The following RTL4 variants were observed in gnomAD, a reference collection of about 807,000 sequenced individuals.
RTL4 encodes retrotransposon Gag-like protein 4.
In RTL4, 4 loss-of-function variants were observed where a neutral mutation model predicts 5.3. The observed-to-expected ratio is 0.75, with a 90% CI of 0.37 to 1.72. The LOEUF (loss-of-function observed/expected upper bound fraction) is 1.72, where lower values mean the gene tolerates loss of function less well. Among genes scored for constraint, RTL4 ranks in the 40% most tolerant of loss-of-function variants. The pLI, the probability that RTL4 is intolerant of heterozygous loss-of-function variation, is 0.04. For missense variants in RTL4, 260 were observed against 227.1 expected, an observed-to-expected ratio of 1.14 and a Z score of -0.93; for synonymous variants, 98 against 87.3, an observed-to-expected ratio of 1.12 and a Z score of -0.68.
the RTL4 span, among the ~76,000 whole-genome samples, chrX:112,283,105 T>C: frequency 8.9e-6 from 1 of 111,763 alleles, no homozygotes. Context: ...AGAAAGGGTT[T>C]TCTCTTTCAG....
the RTL4 span, among the ~76,000 whole-genome samples, chrX:112,111,123 T>TTTTCTC: frequency 8.9e-6 from 1 of 111,926 alleles, no homozygotes; most frequent in African/African-American, 3.3e-5. Flanking sequence ...TCTTTACTAC[T>TTTTCTC]TTTCTCTTTC....
chrX:112,282,837 T>A, the RTL4 span, among the ~76,000 whole-genome samples: 1 of 111,641 alleles, frequency 9.0e-6, no homozygotes, highest in African/African-American at 3.2e-5. Context: ...TTAATGGGAA[T>A]AAGAAATTGG....
the RTL4 span, among the ~76,000 whole-genome samples, chrX:112,384,491 C>T: frequency 9.0e-6 from 1 of 111,648 alleles, no homozygotes; most frequent in Non-Finnish European, 1.9e-5. Context: ...TTGTTTTTGT[C>T]AGGTTTTGTC....
the RTL4 span, among the ~76,000 whole-genome samples, chrX:112,159,400 AT>A: frequency 2.9e-4 from 32 of 112,228 alleles, no homozygotes; most frequent in African/African-American, 1.0e-3. Context: ...CTTACCCAGC[AT>A]CGCTGTGAAG....
At chrX:112,227,822 G>A in the RTL4 span, among the ~76,000 whole-genome samples, 8 of 111,324 alleles carry the variant, frequency 7.2e-5, no homozygotes, top group African/African-American at 2.6e-4. Context: ...ACACCTGAAT[G>A]GTAGAGTATG....
the RTL4 span, among the ~76,000 whole-genome samples, chrX:112,374,533 G>C: frequency 4.2e-3 from 464 of 111,711 alleles, 1 homozygote; most frequent in African/African-American, 0.014. Context: ...CCACAAAAAA[G>C]TACCTGCTGC....
the RTL4 span, among the ~76,000 whole-genome samples, chrX:112,293,104 T>G: frequency 3.6e-5 from 4 of 112,174 alleles, no homozygotes; most frequent in Non-Finnish European, 1.9e-5. Flanking sequence ...TTCTTATGAT[T>G]CTTGTTTTCT....
At chrX:112,237,626 T>C in the RTL4 span, among the ~76,000 whole-genome samples, 1 of 112,602 alleles carries the variant, frequency 8.9e-6, no homozygotes, top group Non-Finnish European at 1.9e-5. Context: ...ACAGCTCAAT[T>C]TTTAACATGC....
the RTL4 span, among the ~76,000 whole-genome samples, chrX:112,158,108 G>T: frequency 3.0e-5 from 3 of 101,027 alleles, no homozygotes; most frequent in African/African-American, 1.1e-4. Flanking sequence ...GTGTAGAAAG[G>T]AAAATTGACT....
At chrX:112,442,793 T>C in the RTL4 span, among the ~76,000 whole-genome samples, 3 of 110,865 alleles carry the variant, frequency 2.7e-5, no homozygotes, top group East Asian at 8.5e-4. Flanking sequence ...TTTTTTATAT[T>C]TGTGGGTATA....
the RTL4 span, among the ~76,000 whole-genome samples, chrX:112,234,594 G>A: frequency 8.9e-6 from 1 of 111,907 alleles, no homozygotes; most frequent in African/African-American, 3.3e-5. Context: ...TTGGGGCAAG[G>A]GCTGCAAGCC....
At chrX:112,301,806 T>A in the RTL4 span, among the ~76,000 whole-genome samples, 5 of 108,067 alleles carry the variant, frequency 4.6e-5, no homozygotes, top group East Asian at 8.8e-4. Flanking sequence ...TAAAAAAAAA[T>A]GTTTTTAAAT....
At chrX:112,357,852 C>T in the RTL4 span, among the ~76,000 whole-genome samples, 1 of 111,701 alleles carries the variant, frequency 9.0e-6, no homozygotes. Flanking sequence ...CAAACACTGA[C>T]ATGTATGCTA....
chrX:112,346,523 C>T, the RTL4 span, among the ~76,000 whole-genome samples: 5 of 111,414 alleles, frequency 4.5e-5, no homozygotes, highest in Non-Finnish European at 9.4e-5. Context: ...AGGTACAACA[C>T]AAAAATGCTT....
chrX:112,444,445 T>C, the RTL4 span, among the ~76,000 whole-genome samples: 11 of 112,167 alleles, frequency 9.8e-5, no homozygotes, highest in African/African-American at 3.6e-4. Context: ...TGGTTTCATG[T>C]AAAATTTAGG....
At chrX:112,398,462 T>C in the RTL4 span, among the ~76,000 whole-genome samples, 22,441 of 97,491 alleles carry the variant, frequency 0.23, 2,422 homozygotes, top group Admixed American at 0.33. Flanking sequence ...TGCAGTGGTG[T>C]GATCTCAGCT....
chrX:112,397,080 T>C, the RTL4 span, among the ~76,000 whole-genome samples: 1 of 111,990 alleles, frequency 8.9e-6, no homozygotes, highest in Non-Finnish European at 1.9e-5. Flanking sequence ...CTATTGTCTT[T>C]GGAAAGATGG....
chrX:112,124,202 A>G, the RTL4 span, among the ~76,000 whole-genome samples: 39 of 111,965 alleles, frequency 3.5e-4, no homozygotes, highest in Admixed American at 3.6e-3. Flanking sequence ...AGAAATAGGA[A>G]CACTTTTACA....
the RTL4 span, among the ~76,000 whole-genome samples, chrX:112,172,480 A>T: frequency 8.9e-6 from 1 of 111,854 alleles, no homozygotes; most frequent in Non-Finnish European, 1.9e-5. Flanking sequence ...CAGAATGGTG[A>T]TTATTAAAGT....
Sources: allele counts gnomAD v4.1 joint callset (sites outside exome capture counted in the v4.1 genomes callset), GRCh38; gene constraint gnomAD v4.1.1; transcripts MANE v1.5; gene names NCBI Gene and HGNC (gene_info 2026-07-23, HGNC 2026-07-21).